Variants in OPCML observed in about 807,000 individuals in gnomAD.
The protein encoded by OPCML is opioid-binding protein/cell adhesion molecule.
In OPCML, 13 loss-of-function variants were observed where a neutral mutation model predicts 37.8. That is an observed-to-expected ratio of 0.34 (90% CI 0.22 to 0.55). The LOEUF is 0.55. Among genes scored for constraint, OPCML ranks in the 20% least tolerant of loss-of-function variants. OPCML has a pLI of 0.91. For missense variants in OPCML, 341 were observed against 435.6 expected, an observed-to-expected ratio of 0.78 and a Z score of 1.93; for synonymous variants, 176 against 168.8, an observed-to-expected ratio of 1.04 and a Z score of -0.33.
At chr11:133,298,798 T>C (rs1942702518) in intron 1 of OPCML, 1 of 152,118 alleles carries the variant, frequency 6.6e-6, no homozygotes, top group South Asian at 2.1e-4. Context: ...GTCTCAAGCT[T>C]ACTTGACATC....
At chr11:132,784,518 C>T (rs550956021) in intron 2 of OPCML, among the ~76,000 whole-genome samples, 1 of 152,250 alleles carries the variant, frequency 6.6e-6, no homozygotes, top group South Asian at 2.1e-4. Context: ...CTTGCTCCAG[C>T]AAACTCCAAG....
At chr11:132,877,676 C>T (rs1943070701) in intron 2 of OPCML, among the ~76,000 whole-genome samples, 1 of 152,142 alleles carries the variant, frequency 6.6e-6, no homozygotes, top group African/African-American at 2.4e-5. Flanking sequence ...CCACTTTCTT[C>T]ATTATACTCA....
At chr11:133,129,039 C>T (rs1949563591) in intron 1 of OPCML, among the ~76,000 whole-genome samples, 1 of 152,160 alleles carries the variant, frequency 6.6e-6, no homozygotes, top group African/African-American at 2.4e-5. Context: ...AGTAAACCCA[C>T]AGTTGTGACA....
chr11:133,118,429 C>T (rs1006201346), intron 1 of OPCML: 63 of 985,074 alleles, frequency 6.4e-5, no homozygotes, highest in Non-Finnish European at 7.2e-5. Flanking sequence ...GGAGTTTACA[C>T]AATGGTCCTG....
Position 132,761,626 on chromosome 11 carries a change from G to A in OPCML, c.147-104307C>T, listed in dbSNP as rs183865179. ...CTATCGATACTTGTGTATGCTTCACGAAGTTCTCGTACTGTGTTTTTCGGC... is the reference window on the plus strand; with the variant it reads ...CTATCGATACTTGTGTATGCTTCACAAAGTTCTCGTACTGTGTTTTTCGGC... On this transcript the variant is annotated intron_variant, in intron 2 of 7. Coordinates refer to ENST00000524381, the MANE Select transcript of OPCML (RefSeq NM_001012393.5). Among the ~76,000 whole-genome samples the A allele has an allele frequency of 3.2e-3, 489 of 151,946 alleles. 3 individuals carry two copies. Among genetic ancestry groups the A allele is most frequent in the Middle Eastern group, 6.8e-3 (2 of 294 alleles).
chr11:133,034,218 C>T (rs1164348161), intron 1 of OPCML, among the ~76,000 whole-genome samples: 1 of 151,982 alleles, frequency 6.6e-6, no homozygotes, highest in African/African-American at 2.4e-5. Flanking sequence ...TTGTACTTCT[C>T]TATGGGGCAG....
intron 2 of OPCML, among the ~76,000 whole-genome samples, chr11:132,744,020 A>G (rs957150553): frequency 1.3e-5 from 2 of 152,184 alleles, no homozygotes; most frequent in Admixed American, 6.5e-5. Flanking sequence ...ATCTCATGCT[A>G]AGTGATCCTT....
At chr11:133,004,747 G>A (rs1035386507) in intron 1 of OPCML, 15 of 985,104 alleles carry the variant, frequency 1.5e-5, no homozygotes, top group African/African-American at 1.8e-5. Flanking sequence ...CACCGGACGC[G>A]TGGATGGACG....
At chr11:132,944,457 T>A (rs1945697521) in intron 1 of OPCML, among the ~76,000 whole-genome samples, 1 of 152,036 alleles carries the variant, frequency 6.6e-6, no homozygotes. Flanking sequence ...TGCACCCACC[T>A]CCGAGGACCC....
chr11:133,523,382 T>G (rs148433030), intron 1 of OPCML, among the ~76,000 whole-genome samples: 175 of 152,308 alleles, frequency 1.1e-3, no homozygotes, highest in Admixed American at 0.01. Context: ...ATTTCAGTTC[T>G]GCAGATTCTG....
intron 4 of OPCML, among the ~76,000 whole-genome samples, chr11:132,476,821 C>G (rs1194116729): frequency 6.6e-6 from 1 of 150,542 alleles, no homozygotes; most frequent in East Asian, 1.9e-4. Flanking sequence ...GCACATGTAC[C>G]CTAAAATTTA....
intron 1 of OPCML, among the ~76,000 whole-genome samples, chr11:133,112,562 A>G (rs886189939): frequency 3.3e-5 from 5 of 152,190 alleles, no homozygotes; most frequent in African/African-American, 1.2e-4. Context: ...TGTTTTCTTA[A>G]AATATAAGAT....
At chr11:133,351,163 G>A (rs1017826372) in intron 1 of OPCML, among the ~76,000 whole-genome samples, 6 of 152,186 alleles carry the variant, frequency 3.9e-5, no homozygotes, top group African/African-American at 1.4e-4. Flanking sequence ...ACAGCAAATG[G>A]CCTTTCAAAA....
chr11:132,953,868 G>A (rs61909279), intron 1 of OPCML, among the ~76,000 whole-genome samples: 5,211 of 152,218 alleles, frequency 0.034, 121 homozygotes, highest in Middle Eastern at 0.061. Flanking sequence ...TTTAAAGAAC[G>A]AGCAAAATGT....
intron 3 of OPCML, among the ~76,000 whole-genome samples, chr11:132,652,254 C>G (rs1462684461): frequency 6.6e-6 from 1 of 152,024 alleles, no homozygotes; most frequent in African/African-American, 2.4e-5. Flanking sequence ...TTTATTGTAG[C>G]TTTGGTGTCC....
At chr11:133,249,808 T>C (rs923674358) in intron 1 of OPCML, among the ~76,000 whole-genome samples, 1 of 152,140 alleles carries the variant, frequency 6.6e-6, no homozygotes, top group Admixed American at 6.5e-5. Flanking sequence ...TTTGTGGCTG[T>C]GATTATTAAT....
At chr11:132,954,121 T>C (rs1261073284) in intron 1 of OPCML, among the ~76,000 whole-genome samples, 1 of 135,988 alleles carries the variant, frequency 7.4e-6, no homozygotes, top group Non-Finnish European at 1.6e-5. Flanking sequence ...CATTCTTTCT[T>C]GGGTTTTTTG....
chr11:132,615,787 A>C (rs1051598590), intron 3 of OPCML, among the ~76,000 whole-genome samples: 2 of 152,204 alleles, frequency 1.3e-5, no homozygotes, highest in Non-Finnish European at 1.5e-5. Context: ...GCAGGAACTC[A>C]ATGAATGTAA....
chr11:132,713,076 C>T (rs1939518), intron 2 of OPCML, among the ~76,000 whole-genome samples: 111,753 of 152,022 alleles, frequency 0.74, 41,311 homozygotes, highest in Non-Finnish European at 0.76. Context: ...CCCTTTGTTT[C>T]CTCTCTTCCA....
Sources: allele counts gnomAD v4.1 joint callset (sites outside exome capture counted in the v4.1 genomes callset), GRCh38; gene constraint gnomAD v4.1.1; transcripts MANE v1.5; gene names NCBI Gene and HGNC (gene_info 2026-07-23, HGNC 2026-07-21).